Variants in ADHFE1 observed in about 807,000 individuals in gnomAD.
ADHFE1 encodes hydroxyacid-oxoacid transhydrogenase, mitochondrial.
Under a neutral mutation model 54.8 loss-of-function variants are expected in ADHFE1, and 37 were observed. That is an observed-to-expected ratio of 0.68 (90% CI 0.52 to 0.89). The LOEUF (loss-of-function observed/expected upper bound fraction) is 0.89, where lower values mean the gene tolerates loss of function less well. Ranked by LOEUF, ADHFE1 falls within the 40% of genes least tolerant of loss-of-function variation. The pLI, the probability that ADHFE1 is intolerant of heterozygous loss-of-function variation, is 0.00. For synonymous variants in ADHFE1, 203 were observed against 229.3 expected (o/e 0.89, Z 1.04); for missense variants, 601 against 591.2 (o/e 1.02, Z -0.17).
At chr8:66,440,256 T>A in intron 2 of ADHFE1, 57 bp downstream of exon 2, 1 of 1,528,992 alleles carries the variant, frequency 6.5e-7, no homozygotes. Context: ...TTTGGCATTA[T>A]AATACATTTG....
intron 6 of ADHFE1, among the ~76,000 whole-genome samples, chr8:66,446,977 C>T (rs1806067412): frequency 6.6e-6 from 1 of 152,190 alleles, no homozygotes; most frequent in African/African-American, 2.4e-5. Context: ...TAGATACAGA[C>T]CTCATGCATG....
In ADHFE1 at chr8:66,440,206, C is replaced by T. The variant is rs1266807308; in HGVS notation, c.97+7C>T. ...TCTCATACTTACTCCCAAGGTAATA[C>T]TTCTGTATTTTTAAACTAGCCACAA... On this transcript the variant is annotated splice_region_variant and intron_variant, in intron 2 of 13. Transcript: ENST00000396623. 4.1e-6 allele frequency: 6 copies of T among 1,455,534 alleles called. No individual in the cohort carries two copies. The highest frequency in any genetic ancestry group is 5.6e-6 in the Non-Finnish European group (6 of 1,080,250). The allele number at this position is 1,455,534 out of a possible 1,614,324, so 90.2% of individuals were successfully genotyped here.
chr8:66,458,428 C>T (rs1210114712), intron 12 of ADHFE1, among the ~76,000 whole-genome samples: 2 of 152,190 alleles, frequency 1.3e-5, no homozygotes, highest in African/African-American at 4.8e-5. Flanking sequence ...GGAAACAGTG[C>T]AACTTTGCCA....
intron 4 of ADHFE1, 73 bp downstream of exon 4, chr8:66,444,493 C>A: frequency 1.2e-6 from 2 of 1,604,800 alleles, no homozygotes; most frequent in Non-Finnish European, 1.7e-6. Flanking sequence ...TAAATGACAA[C>A]AATCACATCC....
At position 66,454,897 on chromosome 8, in the gene ADHFE1, A is replaced by G. The variant is rs1006567493; in HGVS notation, c.986+740A>G. On this transcript the variant is annotated intron_variant, in intron 10 of 13. Transcript: ENST00000396623. ...CCCAGCTAATTTTTTTATATTTCTT[A>G]AGTAGAGACGGGGTTTCACCATGTT... is the stretch of plus-strand genomic sequence containing the variant. Among the ~76,000 whole-genome samples the G allele has an allele frequency of 4.6e-5, 7 of 151,672 alleles. No homozygotes were observed. The East Asian group carries it at 1.4e-3, about 29-fold the overall frequency.
At chr8:66,465,024 A>G (rs1382223142) in intron 13 of ADHFE1, among the ~76,000 whole-genome samples, 3 of 152,208 alleles carry the variant, frequency 2.0e-5, no homozygotes, top group East Asian at 3.8e-4. Context: ...GTGTTCATCC[A>G]CGTTGTAGCA....
chr8:66,442,021 A>G (rs899569692), intron 2 of ADHFE1, among the ~76,000 whole-genome samples: 31 of 152,208 alleles, frequency 2.0e-4, no homozygotes, highest in African/African-American at 7.5e-4. Context: ...TAAGCTTTTT[A>G]TATGCATAAG....
chr8:66,460,496 C>T, intron 13 of ADHFE1, 31 bp downstream of exon 13: 11 of 1,541,930 alleles, frequency 7.1e-6, no homozygotes, highest in Non-Finnish European at 7.0e-6. Flanking sequence ...TCACTCCCTG[C>T]GAAGGAGCCT....
intron 8 of ADHFE1, among the ~76,000 whole-genome samples, chr8:66,451,345 C>T (rs1049003155): frequency 6.6e-6 from 1 of 152,184 alleles, no homozygotes; most frequent in African/African-American, 2.4e-5. Flanking sequence ...AAATACTTTA[C>T]ATGTGTCAAC....
intron 12 of ADHFE1, among the ~76,000 whole-genome samples, chr8:66,459,846 G>A (rs1438138964): frequency 1.3e-5 from 2 of 152,080 alleles, no homozygotes; most frequent in Admixed American, 1.3e-4. Context: ...TAGAGCTTTT[G>A]TACTTCTGTA....
At chr8:66,450,448 G>A (rs1806242430) in intron 8 of ADHFE1, among the ~76,000 whole-genome samples, 1 of 152,190 alleles carries the variant, frequency 6.6e-6, no homozygotes, top group Admixed American at 6.5e-5. Flanking sequence ...AAGGCCCAGT[G>A]GCCTGTTCTG....
chr8:66,448,910 C>T lies in ADHFE1; in HGVS notation c.674C>T (p.Pro225Leu), dbSNP rs776500463. The change falls in exon 8 of 14, where the codon CCT becomes CTT. Residue 225 changes from proline (P) to leucine (L), a missense_variant. Transcript: ENST00000396623. ...AAACCCACACTGGGACTGATTGATC[C>T]TCTGCACACCCTCCACATGCCTGCC... ...AIKPTLGLID[P>L]LHTLHMPARV... 2 of 1,614,148 alleles carry T rather than the reference C, an allele frequency of 1.2e-6. No homozygotes were observed. Among genetic ancestry groups the T allele is most frequent in the Admixed American group, 1.7e-5 (1 of 60,026 alleles).
chr8:66,449,223 C>T (rs117962594), intron 8 of ADHFE1, among the ~76,000 whole-genome samples: 382 of 152,116 alleles, frequency 2.5e-3, no homozygotes, highest in Non-Finnish European at 4.3e-3. Context: ...ATAGGGATGC[C>T]GCTAAAGGGG....
chr8:66,445,532 C>T, intron 6 of ADHFE1, 118 bp downstream of exon 6: 1 of 917,746 alleles, frequency 1.1e-6, no homozygotes, highest in Non-Finnish European at 1.6e-6. Context: ...TTGTTCATTT[C>T]AAATCAATGC....
chr8:66,453,613 C>A, intron 9 of ADHFE1: 2 of 1,029,654 alleles, frequency 1.9e-6, no homozygotes, highest in Non-Finnish European at 2.8e-6. Flanking sequence ...TATAAAGAGG[C>A]CCCCAGTGGG....
At position 66,452,115 on chromosome 8, in the gene ADHFE1, C is replaced by T; in HGVS notation, c.887+10C>T. On this transcript the variant is annotated intron_variant, in intron 9 of 13. Coordinates refer to ENST00000396623, the MANE Select transcript of ADHFE1 (RefSeq NM_144650.3). ...CTAAGTATCTGAAGAGGTATGTCAC[C>T]CCGAAGGGGATAGAAATAGAACAGG... The T allele has an allele frequency of 6.2e-7, 1 of 1,613,466 alleles. No individual in the cohort carries two copies. Among genetic ancestry groups the T allele is most frequent in the Non-Finnish European group, 8.5e-7 (1 of 1,179,812 alleles).
At chr8:66,444,276 T>C in intron 3 of ADHFE1, 91 bp from the exon 4 acceptor site, 2 of 1,211,536 alleles carry the variant, frequency 1.7e-6, no homozygotes, top group South Asian at 1.3e-5. Context: ...TACTTTATGC[T>C]CTAGGCAACA....
At position 66,457,144 on chromosome 8, in the gene ADHFE1, C is replaced by T. The variant is rs1197360875; in HGVS notation, c.1140C>T (p.His380=). Residue 380 remains histidine, a synonymous_variant, in exon 12 of 14, where the codon CAC becomes CAT. Coordinates refer to ENST00000396623, the MANE Select transcript of ADHFE1 (RefSeq NM_144650.3). ...CGGCCCAGATGTTTCCAGAGCGACACCTGGAGATGGCAGAAATACTGGGTA... is the reference window on the plus strand; with the variant it reads ...CGGCCCAGATGTTTCCAGAGCGACATCTGGAGATGGCAGAAATACTGGGTA... The part of the protein sequence containing the change: ...TFTAQMFPER[H]LEMAEILGAD... 6 of 1,613,324 alleles carry T rather than the reference C, an allele frequency of 3.7e-6. No individual in the cohort carries two copies. Among genetic ancestry groups the T allele is most frequent in the Non-Finnish European group, 5.1e-6 (6 of 1,179,590 alleles).
intron 1 of ADHFE1, among the ~76,000 whole-genome samples, chr8:66,438,698 GAA>G (rs1453071730): frequency 6.6e-6 from 1 of 152,110 alleles, no homozygotes; most frequent in Non-Finnish European, 1.5e-5. Flanking sequence ...GTAGGAGGTG[GAA>G]AAGTTTCAGG....
Sources: allele counts gnomAD v4.1 joint callset (sites outside exome capture counted in the v4.1 genomes callset), GRCh38; gene constraint gnomAD v4.1.1; transcripts MANE v1.5; gene names NCBI Gene and HGNC (gene_info 2026-07-23, HGNC 2026-07-21).